LIPI: variants seen among roughly 807,000 people sequenced by gnomAD.
LIPI encodes the protein lipase member I.
A neutral mutation model predicts 50.6 loss-of-function variants in LIPI; 59 were observed. The observed-to-expected ratio is 1.16, with a 90% confidence interval of 0.94 to 1.45. LIPI has a LOEUF of 1.45. Ranked by LOEUF, LIPI falls within the 40% of genes most tolerant of loss-of-function variation. The pLI is 0.00. For synonymous variants in LIPI, 203 were observed against 178.2 expected (o/e 1.14, Z -1.11); for missense variants, 586 against 536.3 (o/e 1.09, Z -0.92).
chr21:14,151,715 T>C lies in LIPI; in HGVS notation c.1118+858A>G, dbSNP rs188697644. Among the ~76,000 whole-genome samples the C allele has an allele frequency of 3.3e-3, 501 of 152,300 alleles. 4 individuals carry two copies. Among genetic ancestry groups the C allele is most frequent in the African/African-American group, 0.012 (480 of 41,576 alleles). On this transcript the variant is annotated intron_variant, in intron 8 of 9. Transcript: ENST00000681601. Reference sequence around the variant, plus strand: ...AAAATAATTTTCTAGTTTAAGAATTTATTAAACACAGAAATATATATTCAA... The same window carrying C: ...AAAATAATTTTCTAGTTTAAGAATTCATTAAACACAGAAATATATATTCAA...
At chr21:14,167,818 C>T (rs922755471) in intron 4 of LIPI, among the ~76,000 whole-genome samples, 2 of 152,190 alleles carry the variant, frequency 1.3e-5, no homozygotes, top group Non-Finnish European at 2.9e-5. Context: ...CTCTCCTCCT[C>T]CAAAGGAATG....
At position 14,209,238 on chromosome 21, in the gene LIPI, C is replaced by G. The variant is rs566449787; in HGVS notation, c.46+1562G>C. ...GTTTTTTGATCTATCTCTCCTCTCC[C>G]ATTTTATTCTACTTACAATTTTTAA... is the stretch of plus-strand genomic sequence containing the variant. On this transcript the variant is annotated intron_variant, in intron 1 of 9. Coordinates refer to ENST00000681601, the MANE Select transcript of LIPI (RefSeq NM_001302998.2). 5.9e-5 allele frequency among the ~76,000 whole-genome samples: 9 copies of G among 152,250 alleles called. No homozygotes were observed. The South Asian group carries it at 1.9e-3, about 32-fold the overall frequency.
intron 9 of LIPI, among the ~76,000 whole-genome samples, chr21:14,126,096 G>T (rs2017054862): frequency 6.6e-6 from 1 of 152,106 alleles, no homozygotes; most frequent in African/African-American, 2.4e-5. Flanking sequence ...ACATTTTGCT[G>T]GTAGGAATGC....
chr21:14,111,286 C>T (rs574068714), intron 9 of LIPI, among the ~76,000 whole-genome samples: 1 of 152,164 alleles, frequency 6.6e-6, no homozygotes, highest in Admixed American at 6.5e-5. Flanking sequence ...GCCATTCTAA[C>T]AGTCATGAGG....
At chr21:14,184,595 T>A (rs1220875411) in intron 3 of LIPI, among the ~76,000 whole-genome samples, 1 of 152,210 alleles carries the variant, frequency 6.6e-6, no homozygotes, top group African/African-American at 2.4e-5. Context: ...CCCACTTGAC[T>A]GAATGAGACA....
At chr21:14,150,796 G>A (rs751490979) in intron 8 of LIPI, among the ~76,000 whole-genome samples, 1 of 151,448 alleles carries the variant, frequency 6.6e-6, no homozygotes, top group East Asian at 1.9e-4. Flanking sequence ...ATAAAAGATG[G>A]GTCTTGACGA....
In LIPI at chr21:14,162,161, A is replaced by T. The variant is rs181321062; in HGVS notation, c.1006+1258T>A. On this transcript the variant is annotated intron_variant, in intron 7 of 9. Coordinates refer to ENST00000681601, the MANE Select transcript of LIPI (RefSeq NM_001302998.2). Reference sequence around the variant, plus strand: ...CTACTCAGCCACTAAAAGTATAGTGAATCACTGATACATGCTACATGGATG... The same window carrying T: ...CTACTCAGCCACTAAAAGTATAGTGTATCACTGATACATGCTACATGGATG... Among the ~76,000 whole-genome samples, 11 of 151,146 alleles carry T rather than the reference A, an allele frequency of 7.3e-5. No individual in the cohort carries two copies. In the South Asian group the frequency reaches 1.9e-3, roughly 26 times the overall value.
intron 4 of LIPI, among the ~76,000 whole-genome samples, chr21:14,175,895 T>C (rs2019075712): frequency 6.6e-6 from 1 of 152,008 alleles, no homozygotes; most frequent in Non-Finnish European, 1.5e-5. Context: ...AAGGCACAAG[T>C]GGGCCGGGCG....
intron 1 of LIPI, among the ~76,000 whole-genome samples, chr21:14,205,039 A>G (rs924466855): frequency 1.3e-5 from 2 of 151,806 alleles, no homozygotes; most frequent in Non-Finnish European, 2.9e-5. Flanking sequence ...TAAATGAGAA[A>G]AAAGAAAAAG....
At chr21:14,116,165 A>G (rs1005664395) in intron 9 of LIPI, among the ~76,000 whole-genome samples, 2 of 152,078 alleles carry the variant, frequency 1.3e-5, no homozygotes, top group Non-Finnish European at 2.9e-5. Context: ...GGCTCGTTTC[A>G]TCTGATGAGG....
rs781629939 is a variant in LIPI at position 14,134,988 on chromosome 21, G to A, written c.1295+9635C>T. Among the ~76,000 whole-genome samples the A allele has an allele frequency of 8.5e-5, 13 of 152,066 alleles. No individual in the cohort carries two copies. In the East Asian group the frequency reaches 9.6e-4, roughly 11 times the overall value. On this transcript the variant is annotated intron_variant, in intron 9 of 9. Coordinates refer to ENST00000681601, the MANE Select transcript of LIPI (RefSeq NM_001302998.2). The stretch of plus-strand genomic sequence containing the variant: ...CTACACAAAAAAGAAACAATCAACC[G>A]AGTAAACAGAAAACTTACAGGATGG...
chr21:14,141,516 T>C (rs902376841), intron 9 of LIPI, among the ~76,000 whole-genome samples: 2 of 152,208 alleles, frequency 1.3e-5, no homozygotes, highest in Non-Finnish European at 1.5e-5. Context: ...CAATGCTTTA[T>C]GGAACTTTCT....
Position 14,116,475 on chromosome 21 carries a change from G to T in LIPI, c.1296-7395C>A, listed in dbSNP as rs530638911. Among the ~76,000 whole-genome samples, 106 of 152,280 alleles carry T rather than the reference G, an allele frequency of 7.0e-4. 1 individual carries two copies. Among genetic ancestry groups the T allele is most frequent in the African/African-American group, 2.5e-3 (103 of 41,536 alleles). ...AAAGTGTGCTGTGAGGGAGGAAATT[G>T]GAGAAAAAGCATTGAAGCCGACTCC... On this transcript the variant is annotated intron_variant, in intron 9 of 9. Coordinates refer to ENST00000681601, the MANE Select transcript of LIPI (RefSeq NM_001302998.2).
At position 14,166,351 on chromosome 21, in the gene LIPI, T is replaced by TGTCA; in HGVS notation, c.733+7_733+10dup. On this transcript the variant is annotated intron_variant, in intron 5 of 9. Coordinates refer to ENST00000681601, the MANE Select transcript of LIPI (RefSeq NM_001302998.2). ...TATTATGTAGTTCATTCAAAAATAC[T>TGTCA]GTCAGTATACCTGAGAAAATTGATT... 1.4e-6 allele frequency: 2 copies of TGTCA among 1,418,298 alleles called. No individual in the cohort carries two copies. The highest frequency in any genetic ancestry group is 2.0e-6 in the Non-Finnish European group (2 of 1,001,882). The allele number at this position is 1,418,298 out of a possible 1,614,324, so 87.9% of individuals were successfully genotyped here.
In LIPI at chr21:14,166,458, A is replaced by C. The variant is rs1366618614; in HGVS notation, c.644-7T>G. On this transcript the variant is annotated splice_region_variant and splice_polypyrimidine_tract_variant and intron_variant, in intron 4 of 9. Transcript: ENST00000681601. ...GGCTCTTGAATGCCTAAACCTGAGA[A>C]GAAAGGCACCCAAGAATCACAACAT... 1.3e-6 allele frequency: 2 copies of C among 1,490,586 alleles called. No individual in the cohort carries two copies. The highest frequency in any genetic ancestry group is 1.1e-5 in the South Asian group (1 of 88,568). 92.3% of individuals were successfully genotyped at this position (1,490,586 alleles called of 1,614,324 possible). A position where few individuals can be genotyped will look rare whatever the true frequency, so the allele number is the denominator to read the frequency against.
rs1600881374 is a variant in LIPI at position 14,163,320 on chromosome 21, T to C, written c.1006+99A>G. ...TTTAAATTTGCCTGAAAGAACATGATGGAATTTGAGTGGGTGCAAAGAACA... is the reference window on the plus strand; with the variant it reads ...TTTAAATTTGCCTGAAAGAACATGACGGAATTTGAGTGGGTGCAAAGAACA... On this transcript the variant is annotated intron_variant, in intron 7 of 9. Transcript: ENST00000681601. 3 of 664,774 alleles carry C rather than the reference T, an allele frequency of 4.5e-6. No homozygotes were observed. In the East Asian group the frequency reaches 8.2e-5, roughly 18 times the overall value. 41.2% of individuals were successfully genotyped at this position (664,774 alleles called of 1,614,324 possible). A position where few individuals can be genotyped will look rare whatever the true frequency, so the allele number is the denominator to read the frequency against.
In LIPI at chr21:14,169,937, A is replaced by G. The variant is rs532287542; in HGVS notation, c.644-3486T>C. ...AATGAATCCAGGAGCTGGTTTTTTGAAAGGATCAACAAAATTGATAGACCG... is the reference window on the plus strand; with the variant it reads ...AATGAATCCAGGAGCTGGTTTTTTGGAAGGATCAACAAAATTGATAGACCG... On this transcript the variant is annotated intron_variant, in intron 4 of 9. Transcript: ENST00000681601. Among the ~76,000 whole-genome samples, 16 of 152,256 alleles carry G rather than the reference A, an allele frequency of 1.1e-4. No individual in the cohort carries two copies. The South Asian group carries it at 1.2e-3, about 12-fold the overall frequency.
intron 9 of LIPI, among the ~76,000 whole-genome samples, chr21:14,134,364 A>G (rs1398723131): frequency 1.3e-5 from 2 of 152,170 alleles, no homozygotes; most frequent in African/African-American, 4.8e-5. Context: ...AAATGACCAT[A>G]CTGCCCAAAG....
chr21:14,113,139 G>A (rs1313419432), intron 9 of LIPI, among the ~76,000 whole-genome samples: 1 of 152,120 alleles, frequency 6.6e-6, no homozygotes, highest in African/African-American at 2.4e-5. Flanking sequence ...AGCATTTGTA[G>A]GAATACAAAA....
Sources: gnomAD v4.1 joint callset for allele counts (sites outside exome capture counted in the v4.1 genomes callset) on GRCh38, gnomAD v4.1.1 for gene constraint, MANE v1.5 for transcripts, NCBI Gene and HGNC (gene_info 2026-07-23, HGNC 2026-07-21) for gene names.